The following ADAMTS17 variants were observed in gnomAD, a reference collection of about 807,000 sequenced individuals.
ADAMTS17 encodes the protein A disintegrin and metalloproteinase with thrombospondin motifs 17.
A neutral mutation model predicts 141.5 loss-of-function variants in ADAMTS17; 113 were observed. The observed-to-expected ratio is 0.80, with a 90% CI of 0.69 to 0.93. The LOEUF is 0.93. ADAMTS17 is among the 40% of genes least tolerant of loss of function. ADAMTS17 has a pLI of 0.00. For missense variants in ADAMTS17, 1,659 were observed against 1,517.9 expected, an observed-to-expected ratio of 1.09 and a Z score of -1.54; for synonymous variants, 768 against 630.6, an observed-to-expected ratio of 1.22 and a Z score of -3.27.
chr15:100,100,058 G>A (rs1036373586), intron 14 of ADAMTS17, among the ~76,000 whole-genome samples: 8 of 152,028 alleles, frequency 5.3e-5, no homozygotes, highest in African/African-American at 1.2e-4. Flanking sequence ...TGTGTGTAAC[G>A]CCCACCCTGT....
At chr15:100,177,581 G>A (rs1410381171) in intron 8 of ADAMTS17, among the ~76,000 whole-genome samples, 1 of 152,154 alleles carries the variant, frequency 6.6e-6, no homozygotes. Flanking sequence ...CTATAATGCT[G>A]AATGTTCCAT....
At chr15:100,322,446 A>G (rs1010592808) in intron 3 of ADAMTS17, among the ~76,000 whole-genome samples, 3 of 152,238 alleles carry the variant, frequency 2.0e-5, no homozygotes, top group Non-Finnish European at 4.4e-5. Context: ...TCTGAGTCCA[A>G]CAAAATTAAT....
At chr15:100,001,291 A>AT (rs1280796446) in intron 18 of ADAMTS17, among the ~76,000 whole-genome samples, 2 of 152,034 alleles carry the variant, frequency 1.3e-5, no homozygotes, top group African/African-American at 2.4e-5. Context: ...ACAGAATAGG[A>AT]GATTGGTAGC....
chr15:100,203,325 C>A lies in ADAMTS17; in HGVS notation c.1076-3902G>T, dbSNP rs1441122353. On this transcript the variant is annotated intron_variant, in intron 7 of 21. Coordinates refer to ENST00000268070, the MANE Select transcript of ADAMTS17 (RefSeq NM_139057.4). Reference sequence around the variant, plus strand: ...CGGTGGCTCATGCCTGTAATCCCAGCACTTTGGGAGGCTGAGCTGGGAGGA... The same window carrying A: ...CGGTGGCTCATGCCTGTAATCCCAGAACTTTGGGAGGCTGAGCTGGGAGGA... Among the ~76,000 whole-genome samples the A allele has an allele frequency of 3.9e-5, 6 of 152,340 alleles. No homozygotes were observed. In the East Asian group the frequency reaches 1.2e-3, roughly 29 times the overall value.
chr15:100,126,164 C>T (rs1182405050), intron 12 of ADAMTS17: 1 of 152,212 alleles, frequency 6.6e-6, no homozygotes, highest in Non-Finnish European at 1.5e-5. Flanking sequence ...GCAGCCTGGA[C>T]TTCATAAAAC....
intron 15 of ADAMTS17, among the ~76,000 whole-genome samples, chr15:100,089,236 T>A: frequency 7.2e-6 from 1 of 138,900 alleles, no homozygotes; most frequent in African/African-American, 2.9e-5. Flanking sequence ...CATGAAAAAA[T>A]GCTCATCATC....
intron 13 of ADAMTS17, among the ~76,000 whole-genome samples, chr15:100,110,236 A>T (rs950992195): frequency 3.6e-5 from 5 of 139,588 alleles, no homozygotes; most frequent in Admixed American, 1.5e-4. Context: ...TATTTATATA[A>T]ATATATATAT....
At chr15:100,109,166 C>A in intron 13 of ADAMTS17, 50 bp from the exon 14 acceptor site, 1 of 1,564,698 alleles carries the variant, frequency 6.4e-7, no homozygotes, top group Non-Finnish European at 8.7e-7. Flanking sequence ...TGTGCGTGGG[C>A]CATGCAGGGC....
intron 15 of ADAMTS17, among the ~76,000 whole-genome samples, chr15:100,065,566 C>G (rs1462562139): frequency 6.6e-6 from 1 of 151,998 alleles, no homozygotes; most frequent in Non-Finnish European, 1.5e-5. Flanking sequence ...TTTACAAAAC[C>G]ACATTGTATG....
chr15:99,975,541 T>A (rs919479664), intron 21 of ADAMTS17, among the ~76,000 whole-genome samples: 4 of 152,096 alleles, frequency 2.6e-5, no homozygotes, highest in African/African-American at 9.7e-5. Context: ...TCTCCTTGTA[T>A]CACCACTGAC....
At chr15:100,334,353 G>A (rs775724043) in intron 2 of ADAMTS17, among the ~76,000 whole-genome samples, 1 of 152,186 alleles carries the variant, frequency 6.6e-6, no homozygotes, top group Non-Finnish European at 1.5e-5. Context: ...CACAAAGACC[G>A]CAATGGAATT....
chr15:100,092,722 A>G (rs1415579126), intron 15 of ADAMTS17, among the ~76,000 whole-genome samples: 2 of 152,112 alleles, frequency 1.3e-5, no homozygotes, highest in Non-Finnish European at 1.5e-5. Context: ...CCACATTCAA[A>G]AGGGATCCTC....
chr15:100,116,131 G>GAAAAAA (rs2037100483), intron 13 of ADAMTS17, among the ~76,000 whole-genome samples: 2 of 80,076 alleles, frequency 2.5e-5, no homozygotes, highest in African/African-American at 1.6e-4. Flanking sequence ...ACAGTTTTAG[G>GAAAAAA]TAAAAAAAAA....
At chr15:100,063,691 G>A (rs557126908) in intron 15 of ADAMTS17, 5 of 1,289,932 alleles carry the variant, frequency 3.9e-6, no homozygotes, top group South Asian at 2.5e-5. Context: ...AGAAAGCTGT[G>A]GGCAGGTTTA....
In ADAMTS17 at chr15:100,281,265, C is replaced by T; in HGVS notation, c.753G>A (p.Glu251=). 6.2e-7 allele frequency: 1 copy of T among 1,607,274 alleles called. No homozygotes were observed. Among genetic ancestry groups the T allele is most frequent in the Non-Finnish European group, 8.5e-7 (1 of 1,179,988 alleles). The change falls in exon 4 of 22, where the codon GAG becomes GAA. Residue 251 remains glutamate, a synonymous_variant. Transcript: ENST00000268070. ...DADMVQYHGA[E]AAQRFILTVM... ...CGGTCAGGATGAACCTCTGGGCGGC[C>T]TCGGCCCCGTGGTACTGCACCATGT...
At chr15:100,251,084 A>C (rs2043138630) in intron 7 of ADAMTS17, among the ~76,000 whole-genome samples, 1 of 152,150 alleles carries the variant, frequency 6.6e-6, no homozygotes, top group Non-Finnish European at 1.5e-5. Context: ...TAATTTTTTT[A>C]AAAAAGAAAA....
At chr15:100,198,763 A>C (rs2041214396) in intron 8 of ADAMTS17, among the ~76,000 whole-genome samples, 1 of 152,174 alleles carries the variant, frequency 6.6e-6, no homozygotes, top group Non-Finnish European at 1.5e-5. Flanking sequence ...CCTCATCTGA[A>C]CAACCAGGAG....
chr15:100,330,000 G>A (rs1203801704), intron 3 of ADAMTS17, among the ~76,000 whole-genome samples: 1 of 152,180 alleles, frequency 6.6e-6, no homozygotes, highest in African/African-American at 2.4e-5. Flanking sequence ...TTAAACTACA[G>A]AAGCACAACC....
intron 8 of ADAMTS17, among the ~76,000 whole-genome samples, chr15:100,180,964 G>A (rs1417198239): frequency 6.6e-6 from 1 of 152,194 alleles, no homozygotes; most frequent in Non-Finnish European, 1.5e-5. Flanking sequence ...AGGCACTGGA[G>A]TCAAAACCTT....
Sources: allele counts gnomAD v4.1 joint callset (sites outside exome capture counted in the v4.1 genomes callset), GRCh38; gene constraint gnomAD v4.1.1; transcripts MANE v1.5; gene names NCBI Gene and HGNC (gene_info 2026-07-23, HGNC 2026-07-21).